The following UNC93B1 variants were observed in gnomAD, a reference collection of about 807,000 sequenced individuals.
UNC93B1 encodes the protein protein unc-93 homolog B1.
In UNC93B1, 33 loss-of-function variants were observed where a neutral mutation model predicts 56.8. That is an observed-to-expected ratio of 0.58 (90% CI 0.44 to 0.78). The LOEUF is 0.78. Among genes scored for constraint, UNC93B1 ranks in the 30% least tolerant of loss-of-function variants. UNC93B1 has a pLI of 0.00. For missense variants in UNC93B1, 673 were observed against 819.5 expected (o/e 0.82, Z 2.18); for synonymous variants, 334 against 358.6 (o/e 0.93, Z 0.77).
chr11:67,995,956 G>A (rs1436450300), intron 8 of UNC93B1, 72 bp from the exon 9 acceptor site: 4 of 1,180,142 alleles, frequency 3.4e-6, no homozygotes, highest in Middle Eastern at 3.0e-4. Context: ...TCCCCGCATC[G>A]CGGGGGTGCC....
chr11:67,999,106 G>T, intron 5 of UNC93B1, 67 bp downstream of exon 5: 1 of 1,599,644 alleles, frequency 6.3e-7, no homozygotes, highest in African/African-American at 1.3e-5. Context: ...AGAGGGTTGA[G>T]ACTGTGGATG....
At position 67,993,660 on chromosome 11, in the gene UNC93B1, C is replaced by A. The variant is rs369488563; in HGVS notation, c.1482+16G>T. The A allele has an allele frequency of 5.3e-5, 57 of 1,071,754 alleles. No homozygotes were observed. Among genetic ancestry groups the A allele is most frequent in the Non-Finnish European group, 7.7e-5 (56 of 724,934 alleles). The allele number at this position is 1,071,754 out of a possible 1,614,324, so 66.4% of individuals were successfully genotyped here. A position where few individuals can be genotyped will look rare whatever the true frequency, so the allele number is the denominator to read the frequency against. Reference sequence around the variant, plus strand: ...CTGTCATTGGGCATGGGGCCCCCAACCCTGCCCAGTCTCACCTTCATGTGC... The same window carrying A: ...CTGTCATTGGGCATGGGGCCCCCAAACCTGCCCAGTCTCACCTTCATGTGC... On this transcript the variant is annotated intron_variant, in intron 10 of 10. Coordinates refer to ENST00000227471, the MANE Select transcript of UNC93B1 (RefSeq NM_030930.4).
Position 68,003,868 on chromosome 11 carries a change from C to A in UNC93B1, c.97-70G>T. ...CCCGTGTCCCCCGGTGCCCGCCGCCCCCCGGCCCGCCCCGCCCCCGCCGGG... is the reference window on the plus strand; with the variant it reads ...CCCGTGTCCCCCGGTGCCCGCCGCCACCCGGCCCGCCCCGCCCCCGCCGGG... On this transcript the variant is annotated intron_variant, in intron 1 of 10. Transcript: ENST00000227471. The surrounding 1 kb of genome is among the most constrained non-coding windows in gnomAD (Gnocchi z 4.4). The A allele has an allele frequency of 7.7e-7, 1 of 1,292,876 alleles. No individual in the cohort carries two copies. Among genetic ancestry groups the A allele is most frequent in the Non-Finnish European group, 9.7e-7 (1 of 1,026,564 alleles). 80.1% of individuals were successfully genotyped at this position (1,292,876 alleles called of 1,614,324 possible).
intron 3 of UNC93B1, 141 bp from the exon 4 acceptor site, chr11:67,999,821 A>C (rs1565126332): frequency 2.5e-6 from 3 of 1,195,162 alleles, no homozygotes; most frequent in Non-Finnish European, 3.4e-6. Context: ...ATGGAATATC[A>C]GATACACAGA....
At chr11:67,998,512 G>A in intron 5 of UNC93B1, 60 bp from the exon 6 acceptor site, 1 of 1,559,872 alleles carries the variant, frequency 6.4e-7, no homozygotes, top group Non-Finnish European at 8.8e-7. Context: ...AGGGACACAG[G>A]CATGGTCTGG....
chr11:68,001,792 C>T (rs936826813), intron 3 of UNC93B1, among the ~76,000 whole-genome samples: 5 of 151,844 alleles, frequency 3.3e-5, no homozygotes, highest in Admixed American at 2.6e-4. Context: ...AAGATGCTAC[C>T]ATTGCAAAGT....
rs536833515 is a variant in UNC93B1 at position 68,000,403 on chromosome 11, A to C, written c.393-723T>G. Among the ~76,000 whole-genome samples, 4 of 152,332 alleles carry C rather than the reference A, an allele frequency of 2.6e-5. No homozygotes were observed. In the East Asian group the frequency reaches 7.7e-4, roughly 29 times the overall value. On this transcript the variant is annotated intron_variant, in intron 3 of 10. Coordinates refer to ENST00000227471, the MANE Select transcript of UNC93B1 (RefSeq NM_030930.4). The stretch of plus-strand genomic sequence containing the variant: ...ATATAGGCCAGGCACAGTGGCTCAC[A>C]TCTGTAATTCCAGCACTTTAGGAGG...
rs927393601 is a variant in UNC93B1 at position 67,991,608 on chromosome 11, G to C, written c.1732C>G (p.Leu578Val). 2.4e-5 allele frequency: 36 copies of C among 1,500,242 alleles called. No homozygotes were observed. The highest frequency in any genetic ancestry group is 8.8e-5 in the South Asian group (7 of 79,912). 92.9% of individuals were successfully genotyped at this position (1,500,242 alleles called of 1,614,324 possible). The change falls in exon 11 of 11, where the codon CTC (leucine) becomes GTC (valine). Residue 578 changes from leucine to valine, a missense_variant. Around this residue, in one of 3 missense-constraint regions of UNC93B1, gnomAD observed 80 missense variants for 85.3 expected, o/e 0.94. Transcript: ENST00000227471. The part of the protein sequence containing the change: ...GPRPGPEPAG[L>V]GRRPCPYEQA... ...TCGTACGGGCAGGGCCGGCGGCCGA[G>C]TCCAGCGGGCTCGGGGCCAGGCCTG...
Position 68,003,620 on chromosome 11 carries a change from C to T in UNC93B1, c.238+37G>A. The T allele has an allele frequency of 1.3e-6, 2 of 1,496,834 alleles. No homozygotes were observed. Among genetic ancestry groups the T allele is most frequent in the Non-Finnish European group, 1.8e-6 (2 of 1,128,154 alleles). 92.7% of individuals were successfully genotyped at this position (1,496,834 alleles called of 1,614,324 possible). A position where few individuals can be genotyped will look rare whatever the true frequency, so the allele number is the denominator to read the frequency against. On this transcript the variant is annotated intron_variant, in intron 2 of 10. Transcript: ENST00000227471. This position sits in a 1 kb window ranked among gnomAD's most constrained non-coding sequence, Gnocchi z 4.4. ...TCTGTTTCCCGGGCCGGGCTGGGAG[C>T]GGGCGGGGCGGCCCCGGGTCCCCGA...
intron 5 of UNC93B1, 24 bp downstream of exon 5, chr11:67,999,149 A>C: frequency 6.2e-7 from 1 of 1,613,582 alleles, no homozygotes; most frequent in Non-Finnish European, 8.5e-7. Flanking sequence ...CCTGCCACCC[A>C]ACAATGGCCC....
intron 9 of UNC93B1, among the ~76,000 whole-genome samples, chr11:67,994,131 G>A (rs1342210326): frequency 6.6e-6 from 1 of 152,216 alleles, no homozygotes; most frequent in African/African-American, 2.4e-5. Flanking sequence ...AAGCTTGCAG[G>A]CGCTGTTTCT....
intron 5 of UNC93B1, 48 bp downstream of exon 5, chr11:67,999,125 T>C: frequency 6.2e-7 from 1 of 1,610,414 alleles, no homozygotes; most frequent in Non-Finnish European, 8.5e-7. Flanking sequence ...TGGGCTCCAA[T>C]GCGTGGGTCT....
chr11:68,001,550 G>C (rs1310522929), intron 3 of UNC93B1, among the ~76,000 whole-genome samples: 1 of 152,164 alleles, frequency 6.6e-6, no homozygotes. Context: ...TCGGGAGGCT[G>C]AGGTGGGAGG....
chr11:67,995,889 G>T lies in UNC93B1; in HGVS notation c.1090-5C>A, dbSNP rs755512821. 2.6e-5 allele frequency: 38 copies of T among 1,488,516 alleles called. No homozygotes were observed. Among genetic ancestry groups the T allele is most frequent in the Admixed American group, 6.7e-5 (3 of 44,872 alleles). 92.2% of individuals were successfully genotyped at this position (1,488,516 alleles called of 1,614,324 possible). On this transcript the variant is annotated splice_polypyrimidine_tract_variant and splice_region_variant and intron_variant, in intron 8 of 10. Coordinates refer to ENST00000227471, the MANE Select transcript of UNC93B1 (RefSeq NM_030930.4). ...CACCGAGCACACGCCATAGCCCTGCGGGGGGACAAGGGGTGAGTGTTGAAG... is the reference window on the plus strand; with the variant it reads ...CACCGAGCACACGCCATAGCCCTGCTGGGGGACAAGGGGTGAGTGTTGAAG...
chr11:67,996,083 A>G (rs2428816), intron 8 of UNC93B1, 199 bp from the exon 9 acceptor site: 259,922 of 307,356 alleles, frequency 0.85, 110,984 homozygotes, highest in East Asian at 0.98. Context: ...AGTCGGGGGG[A>G]AAAGAGGGGT....
chr11:68,003,581 G>T lies in UNC93B1; in HGVS notation c.238+76C>A. 6.8e-7 allele frequency: 1 copy of T among 1,469,234 alleles called. No individual in the cohort carries two copies. Among genetic ancestry groups the T allele is most frequent in the South Asian group, 1.3e-5 (1 of 77,192 alleles). 91.0% of individuals were successfully genotyped at this position (1,469,234 alleles called of 1,614,324 possible). A position where few individuals can be genotyped will look rare whatever the true frequency, so the allele number is the denominator to read the frequency against. ...GGGGAAGTGAGAGCGGGCGGGAGGC[G>T]GCGGCCCGCGGTTTCTGTTTCCCGG... is the stretch of plus-strand genomic sequence containing the variant. On this transcript the variant is annotated intron_variant, in intron 2 of 10. Transcript: ENST00000227471. The surrounding 1 kb of genome is among the most constrained non-coding windows in gnomAD (Gnocchi z 4.4).
Position 67,995,532 on chromosome 11 carries a change from T to C in UNC93B1, c.1363+79A>G, listed in dbSNP as rs375005790. The C allele has an allele frequency of 6.2e-5, 74 of 1,194,652 alleles. No individual in the cohort carries two copies. In the East Asian group the frequency reaches 1.9e-3, roughly 31 times the overall value. 74.0% of individuals were successfully genotyped at this position (1,194,652 alleles called of 1,614,324 possible). On this transcript the variant is annotated intron_variant, in intron 9 of 10. Transcript: ENST00000227471. ...CCCATATCTGTCCCTGGGATGTCTA[T>C]GTCTCGCCAACCACCCACAGATAGC...
chr11:67,994,494 C>G (rs1173146338), intron 9 of UNC93B1, among the ~76,000 whole-genome samples: 1 of 152,194 alleles, frequency 6.6e-6, no homozygotes, highest in African/African-American at 2.4e-5. Context: ...AGGATATGAA[C>G]ACTCCTGTTT....
chr11:68,003,853 C>A lies in UNC93B1; in HGVS notation c.97-55G>T. 1 of 1,340,326 alleles carries A rather than the reference C, an allele frequency of 7.5e-7. No individual in the cohort carries two copies. The highest frequency in any genetic ancestry group is 9.5e-7 in the Non-Finnish European group (1 of 1,048,092). The allele number at this position is 1,340,326 out of a possible 1,614,324, so 83.0% of individuals were successfully genotyped here. A position where few individuals can be genotyped will look rare whatever the true frequency, so the allele number is the denominator to read the frequency against. Reference sequence around the variant, plus strand: ...CGATCGCGCCCCGAACCCGTGTCCCCCGGTGCCCGCCGCCCCCCGGCCCGC... The same window carrying A: ...CGATCGCGCCCCGAACCCGTGTCCCACGGTGCCCGCCGCCCCCCGGCCCGC... On this transcript the variant is annotated intron_variant, in intron 1 of 10. Coordinates refer to ENST00000227471, the MANE Select transcript of UNC93B1 (RefSeq NM_030930.4). This position sits in a 1 kb window ranked among gnomAD's most constrained non-coding sequence, Gnocchi z 4.4.
Sources: gnomAD v4.1 joint callset for allele counts (sites outside exome capture counted in the v4.1 genomes callset) on GRCh38, gnomAD v4.1.1 for gene constraint, gnomAD v4.1.1 regional missense constraint, Gnocchi (gnomAD v3.1) non-coding constraint, MANE v1.5 for transcripts, NCBI Gene and HGNC (gene_info 2026-07-23, HGNC 2026-07-21) for gene names.